LHX8: variants seen among roughly 807,000 people sequenced by gnomAD.
LHX8 encodes the protein LIM homeobox 8.
Under a neutral mutation model 40.3 loss-of-function variants are expected in LHX8, and 12 were observed. The ratio of observed to expected loss-of-function variants is 0.30; its 90% CI spans 0.19 to 0.48. The LOEUF is 0.48. Ranked by LOEUF, LHX8 falls within the 20% of genes least tolerant of loss-of-function variation. LHX8 has a pLI of 0.99. For synonymous variants in LHX8, 179 were observed against 162.0 expected (o/e 1.10, Z -0.80); for missense variants, 344 against 433.7 (o/e 0.79, Z 1.84).
intron 1 of LHX8, 111 bp from the exon 2 acceptor site, chr1:75,136,492 C>T (rs1435614129): frequency 3.6e-6 from 3 of 827,332 alleles, no homozygotes; most frequent in Non-Finnish European, 5.9e-6. Flanking sequence ...CGCGCTGCCC[C>T]GCACTCTGAG....
intron 3 of LHX8, among the ~76,000 whole-genome samples, chr1:75,137,565 AC>A (rs1648188891): frequency 6.6e-6 from 1 of 151,684 alleles, no homozygotes; most frequent in South Asian, 2.1e-4. Flanking sequence ...AAGTGGAAAA[AC>A]CCTTATCCAT....
the LHX8 span, among the ~76,000 whole-genome samples, chr1:75,181,317 G>A: frequency 6.6e-6 from 1 of 152,198 alleles, no homozygotes; most frequent in Non-Finnish European, 1.5e-5. Context: ...TGCCCCCAGA[G>A]GTGGAGTCTA....
At chr1:75,171,721 C>T in the LHX8 span, among the ~76,000 whole-genome samples, 1 of 152,050 alleles carries the variant, frequency 6.6e-6, no homozygotes, top group Admixed American at 6.6e-5. Context: ...GAAGGTAACA[C>T]CAGAGGAGGG....
chr1:75,194,449 G>A, the LHX8 span, among the ~76,000 whole-genome samples: 1 of 152,146 alleles, frequency 6.6e-6, no homozygotes, highest in African/African-American at 2.4e-5. Flanking sequence ...TTATGGCTCT[G>A]GAGATAACAC....
chr1:75,157,480 A>G (rs562187677), intron 8 of LHX8, among the ~76,000 whole-genome samples: 22 of 152,358 alleles, frequency 1.4e-4, no homozygotes, highest in African/African-American at 5.3e-4. Flanking sequence ...CATTTAGAAG[A>G]GTGCATACGT....
chr1:75,130,801 GT>G, upstream of LHX8: 1 of 1,482,228 alleles, frequency 6.7e-7, no homozygotes, highest in South Asian at 1.1e-5. Context: ...ATTTATAATG[GT>G]TACACGTGAT....
At chr1:75,149,545 G>T (rs979532722) in intron 7 of LHX8, among the ~76,000 whole-genome samples, 4 of 152,036 alleles carry the variant, frequency 2.6e-5, no homozygotes, top group African/African-American at 9.7e-5. Flanking sequence ...CACTTTACTG[G>T]GGTAGAATTC....
the LHX8 span, among the ~76,000 whole-genome samples, chr1:75,178,870 G>A: frequency 1.3e-5 from 2 of 152,152 alleles, no homozygotes; most frequent in African/African-American, 4.8e-5. Flanking sequence ...CTGATACATT[G>A]TGTCTTTGTT....
the LHX8 span, among the ~76,000 whole-genome samples, chr1:75,190,950 C>G: frequency 6.6e-6 from 1 of 151,988 alleles, no homozygotes; most frequent in Non-Finnish European, 1.5e-5. Context: ...AGTTACATGA[C>G]TCTGTTTGTT....
chr1:75,136,885 G>T (rs976024571), intron 2 of LHX8, among the ~76,000 whole-genome samples, 196 bp downstream of exon 2: 6 of 151,874 alleles, frequency 4.0e-5, no homozygotes, highest in Admixed American at 6.5e-5. Flanking sequence ...AAGACTTCTG[G>T]GGTCCGAATA....
At chr1:75,158,977 T>C (rs539218889) in intron 8 of LHX8, among the ~76,000 whole-genome samples, 142 of 152,306 alleles carry the variant, frequency 9.3e-4, no homozygotes, top group South Asian at 2.7e-3. Flanking sequence ...CCATGAACTT[T>C]AGCATGTCTT....
At chr1:75,173,022 C>T in the LHX8 span, among the ~76,000 whole-genome samples, 59 of 152,304 alleles carry the variant, frequency 3.9e-4, no homozygotes, top group Admixed American at 6.5e-4. Context: ...TCAGCTCAGT[C>T]TCTTTCTTTT....
At chr1:75,149,119 T>G (rs2100349140) in intron 7 of LHX8, among the ~76,000 whole-genome samples, 1 of 152,354 alleles carries the variant, frequency 6.6e-6, no homozygotes, top group African/African-American at 2.4e-5. Context: ...AAGATAAATC[T>G]TGCTCTAAGG....
intron 3 of LHX8, among the ~76,000 whole-genome samples, chr1:75,140,586 T>C (rs1346383446): frequency 6.6e-6 from 1 of 152,172 alleles, no homozygotes; most frequent in Non-Finnish European, 1.5e-5. Flanking sequence ...TTGTCTTCTT[T>C]AACCACAAGG....
the LHX8 span, among the ~76,000 whole-genome samples, chr1:75,180,598 T>C: frequency 6.6e-6 from 1 of 152,198 alleles, no homozygotes; most frequent in Non-Finnish European, 1.5e-5. Flanking sequence ...CGTCTAATCT[T>C]TTTCAAGTTT....
the LHX8 span, among the ~76,000 whole-genome samples, chr1:75,178,366 T>C: frequency 4.7e-3 from 718 of 152,314 alleles, 4 homozygotes; most frequent in Non-Finnish European, 7.9e-3. Flanking sequence ...TATTGGTCTA[T>C]TCAATGATTC....
At chr1:75,153,965 T>C (rs1296548744) in intron 7 of LHX8, among the ~76,000 whole-genome samples, 3 of 152,218 alleles carry the variant, frequency 2.0e-5, no homozygotes, top group Admixed American at 1.3e-4. Context: ...ATATTTGGCT[T>C]TTTGTCTGGG....
intron 1 of LHX8, chr1:75,128,753 G>A (rs539605038): frequency 3.8e-4 from 58 of 152,318 alleles, no homozygotes; most frequent in Admixed American, 3.8e-3. Context: ...AGGGTGCCAA[G>A]CATTTTTAAA....
intron 6 of LHX8, among the ~76,000 whole-genome samples, chr1:75,145,108 T>C (rs1648425862): frequency 6.6e-6 from 1 of 152,142 alleles, no homozygotes; most frequent in African/African-American, 2.4e-5. Flanking sequence ...TTTCTTAATT[T>C]AGGCATAAAG....
Sources: gnomAD v4.1 joint callset for allele counts (sites outside exome capture counted in the v4.1 genomes callset) on GRCh38, gnomAD v4.1.1 for gene constraint, MANE v1.5 for transcripts, NCBI Gene and HGNC (gene_info 2026-07-23, HGNC 2026-07-21) for gene names.